Variants in GRIK2 observed in about 807,000 individuals in gnomAD.
GRIK2 encodes the protein glutamate receptor ionotropic, kainate 2.
In GRIK2, 32 loss-of-function variants were observed where a neutral mutation model predicts 100.3. That is an observed-to-expected ratio of 0.32 (90% CI 0.24 to 0.43). The LOEUF (loss-of-function observed/expected upper bound fraction) is 0.43, where lower values mean the gene tolerates loss of function less well. Ranked by LOEUF, GRIK2 falls within the 20% of genes least tolerant of loss-of-function variation. The pLI, the probability that GRIK2 is intolerant of heterozygous loss-of-function variation, is 1.00. For synonymous variants in GRIK2, 417 were observed against 389.4 expected (o/e 1.07, Z -0.83); for missense variants, 843 against 1,114.9 (o/e 0.76, Z 3.47).
At chr6:101,629,060 A>G (rs941904604) in intron 4 of GRIK2, among the ~76,000 whole-genome samples, 1 of 152,114 alleles carries the variant, frequency 6.6e-6, no homozygotes, top group Non-Finnish European at 1.5e-5. Flanking sequence ...GCTTTAAATT[A>G]TATTCTCAAT....
intron 7 of GRIK2, among the ~76,000 whole-genome samples, chr6:101,704,401 G>A (rs1426173307): frequency 6.6e-6 from 1 of 151,482 alleles, no homozygotes; most frequent in Admixed American, 6.6e-5. Context: ...GGGCTGGGAG[G>A]ATAGGGGATT....
intron 14 of GRIK2, among the ~76,000 whole-genome samples, chr6:102,032,210 T>C (rs1032306957): frequency 2.0e-5 from 3 of 151,264 alleles, no homozygotes; most frequent in African/African-American, 7.3e-5. Context: ...AAGATAGAGA[T>C]GCCTCCTTCC....
At chr6:101,517,659 T>C (rs1359185365) in intron 2 of GRIK2, among the ~76,000 whole-genome samples, 1 of 152,150 alleles carries the variant, frequency 6.6e-6, no homozygotes, top group African/African-American at 2.4e-5. Context: ...CATCAGGCAA[T>C]AGACAAGTAG....
intron 7 of GRIK2, among the ~76,000 whole-genome samples, chr6:101,774,521 A>G (rs1322809431): frequency 1.3e-5 from 2 of 152,192 alleles, no homozygotes; most frequent in African/African-American, 4.8e-5. Flanking sequence ...TCATCAATAC[A>G]ATGTGGTTCA....
At chr6:101,605,473 A>G (rs1779400423) in intron 2 of GRIK2, among the ~76,000 whole-genome samples, 1 of 151,972 alleles carries the variant, frequency 6.6e-6, no homozygotes, top group South Asian at 2.1e-4. Flanking sequence ...TATTTAAAAT[A>G]AAATAAAGCT....
chr6:101,570,279 A>G (rs1421256801), intron 2 of GRIK2, among the ~76,000 whole-genome samples: 1 of 152,108 alleles, frequency 6.6e-6, no homozygotes, highest in African/African-American at 2.4e-5. Flanking sequence ...ATAAGGAATG[A>G]ATATGATAAT....
chr6:101,896,196 T>C (rs2128459740), intron 12 of GRIK2, among the ~76,000 whole-genome samples: 1 of 151,870 alleles, frequency 6.6e-6, no homozygotes, highest in African/African-American at 2.4e-5. Context: ...CCAAACCAAT[T>C]GAAACTAAGT....
chr6:102,032,229 T>C (rs965514526), intron 14 of GRIK2, among the ~76,000 whole-genome samples: 3 of 151,248 alleles, frequency 2.0e-5, no homozygotes, highest in Non-Finnish European at 4.4e-5. Context: ...CCTTGATGAT[T>C]ACCTTTCAAA....
chr6:102,059,933 A>G (rs184659501), intron 16 of GRIK2, among the ~76,000 whole-genome samples: 2 of 150,434 alleles, frequency 1.3e-5, no homozygotes, highest in Admixed American at 1.3e-4. Flanking sequence ...CATAAAAAAA[A>G]TCTTAAGATG....
intron 2 of GRIK2, among the ~76,000 whole-genome samples, chr6:101,414,089 A>C (rs1056560861): frequency 6.6e-6 from 1 of 152,250 alleles, no homozygotes; most frequent in East Asian, 1.9e-4. Flanking sequence ...ATAGGTAACC[A>C]CATAAATACA....
rs1455536449 is a variant in GRIK2 at position 101,622,078 on chromosome 6, A to G, written c.245A>G (p.Lys82Arg). The change falls in exon 3 of 17, where the codon AAG becomes AGG. Residue 82 changes from lysine to arginine, a missense_variant. Coordinates refer to ENST00000369134, the MANE Select transcript of GRIK2 (RefSeq NM_021956.5). ...PNTTLTYDTQKINLYDSFEAS... is the reference protein window; with the variant it reads ...PNTTLTYDTQRINLYDSFEAS... ...ACTACCCTTACCTATGATACCCAGA[A>G]GATAAACCTTTATGATAGTTTTGAA... 4.4e-6 allele frequency: 7 copies of G among 1,603,038 alleles called. No homozygotes were observed. Among genetic ancestry groups the G allele is most frequent in the Non-Finnish European group, 6.0e-6 (7 of 1,170,312 alleles).
chr6:101,868,796 A>T (rs971927556), intron 11 of GRIK2, among the ~76,000 whole-genome samples: 1 of 151,904 alleles, frequency 6.6e-6, no homozygotes, highest in Non-Finnish European at 1.5e-5. Context: ...TTTCAGAAAA[A>T]AATTGCTCAA....
At chr6:101,877,436 T>A (rs1785934335) in intron 11 of GRIK2, among the ~76,000 whole-genome samples, 1 of 151,922 alleles carries the variant, frequency 6.6e-6, no homozygotes. Flanking sequence ...TAGAGATGAT[T>A]TAAAGTATAC....
At chr6:101,725,290 G>A (rs558597066) in intron 7 of GRIK2, among the ~76,000 whole-genome samples, 13 of 152,042 alleles carry the variant, frequency 8.6e-5, no homozygotes, top group Admixed American at 5.9e-4. Flanking sequence ...AATTGATTGC[G>A]ATATATTTTG....
At chr6:101,624,310 C>T (rs1343272787) in intron 3 of GRIK2, among the ~76,000 whole-genome samples, 1 of 152,024 alleles carries the variant, frequency 6.6e-6, no homozygotes, top group African/African-American at 2.4e-5. Flanking sequence ...GATCATTTAT[C>T]TTCAGTATAT....
intron 4 of GRIK2, among the ~76,000 whole-genome samples, chr6:101,672,800 A>T (rs1446268996): frequency 6.6e-6 from 1 of 152,162 alleles, no homozygotes; most frequent in Non-Finnish European, 1.5e-5. Context: ...GCTGTGTAGC[A>T]TTCCATGGTG....
intron 4 of GRIK2, among the ~76,000 whole-genome samples, chr6:101,645,955 G>T (rs900326219): frequency 6.6e-6 from 1 of 151,692 alleles, no homozygotes; most frequent in Admixed American, 6.6e-5. Context: ...ATACATTTTT[G>T]GTGATAAATT....
chr6:101,626,820 G>A (rs1186890894), intron 4 of GRIK2, among the ~76,000 whole-genome samples, 183 bp downstream of exon 4: 1 of 152,018 alleles, frequency 6.6e-6, no homozygotes, highest in Non-Finnish European at 1.5e-5. Context: ...GAATACCTAT[G>A]TTGAATACTT....
At chr6:101,465,396 A>G (rs1331895367) in intron 2 of GRIK2, among the ~76,000 whole-genome samples, 4 of 152,100 alleles carry the variant, frequency 2.6e-5, no homozygotes, top group African/African-American at 9.7e-5. Context: ...GAGTTTTTTC[A>G]CTGGAGATAA....
Sources: allele counts gnomAD v4.1 joint callset (sites outside exome capture counted in the v4.1 genomes callset), GRCh38; gene constraint gnomAD v4.1.1; transcripts MANE v1.5; gene names NCBI Gene and HGNC (gene_info 2026-07-23, HGNC 2026-07-21).